Variants in ARPC2 observed in about 807,000 individuals in gnomAD.
ARPC2 encodes actin-related protein 2/3 complex subunit 2.
A neutral mutation model predicts 38.6 loss-of-function variants in ARPC2; 4 were observed. The ratio of observed to expected loss-of-function variants is 0.10; its 90% CI spans 0.05 to 0.24. The LOEUF (loss-of-function observed/expected upper bound fraction) is 0.24, where lower values mean the gene tolerates loss of function less well. Ranked by LOEUF, ARPC2 falls within the 10% of genes least tolerant of loss-of-function variation. The pLI is 1.00. For missense variants in ARPC2, 229 were observed against 387.3 expected (o/e 0.59, Z 3.43); for synonymous variants, 125 against 140.8 (o/e 0.89, Z 0.79).
chr2:218,239,582 C>A, intron 7 of ARPC2, 98 bp downstream of exon 7: 1 of 954,808 alleles, frequency 1.0e-6, no homozygotes, highest in Non-Finnish European at 1.6e-6. Context: ...AGCAACTCTA[C>A]TGATGTTAGA....
At chr2:218,243,617 AG>A (rs1252416694) in intron 7 of ARPC2, among the ~76,000 whole-genome samples, 1 of 152,226 alleles carries the variant, frequency 6.6e-6, no homozygotes, top group Admixed American at 6.5e-5. Flanking sequence ...TCTACTTTAA[AG>A]GCCAAAAATT....
At chr2:218,250,399 C>T (rs535386916) in intron 10 of ARPC2, among the ~76,000 whole-genome samples, 2 of 152,328 alleles carry the variant, frequency 1.3e-5, no homozygotes, top group South Asian at 2.1e-4. Flanking sequence ...CGCTGTGGCT[C>T]ACGCCTGTAA....
chr2:218,240,652 G>A (rs529293118), intron 7 of ARPC2, among the ~76,000 whole-genome samples: 1 of 152,214 alleles, frequency 6.6e-6, no homozygotes, highest in South Asian at 2.1e-4. Flanking sequence ...AGCACTGTGG[G>A]AGGCCGAGGT....
chr2:218,232,065 C>T (rs545494557), intron 4 of ARPC2, among the ~76,000 whole-genome samples: 1 of 152,218 alleles, frequency 6.6e-6, no homozygotes, highest in South Asian at 2.1e-4. Flanking sequence ...CATGGTGAAA[C>T]CCCATCTCTA....
At chr2:218,239,302 T>G (rs1387237310) in intron 6 of ARPC2, 89 bp from the exon 7 acceptor site, 1 of 904,082 alleles carries the variant, frequency 1.1e-6, no homozygotes, top group Non-Finnish European at 1.8e-6. Context: ...GATTTATGAC[T>G]TTAGCCTTCT....
chr2:218,242,207 G>A (rs1005879101), intron 7 of ARPC2, among the ~76,000 whole-genome samples: 1 of 152,206 alleles, frequency 6.6e-6, no homozygotes, highest in African/African-American at 2.4e-5. Flanking sequence ...CTCCACACTA[G>A]TGGTATGGGC....
intron 2 of ARPC2, among the ~76,000 whole-genome samples, chr2:218,221,231 A>AT (rs898497051): frequency 6.6e-6 from 1 of 152,150 alleles, no homozygotes; most frequent in African/African-American, 2.4e-5. Context: ...CTGTGGTTCC[A>AT]TGGGGGGGAG....
intron 4 of ARPC2, among the ~76,000 whole-genome samples, chr2:218,230,243 AT>A (rs924359242): frequency 7.1e-6 from 1 of 140,388 alleles, no homozygotes; most frequent in Admixed American, 7.2e-5. Flanking sequence ...CAGTGCTAAG[AT>A]TGCAGGTGTG....
intron 3 of ARPC2, among the ~76,000 whole-genome samples, chr2:218,226,590 C>T (rs1186838465): frequency 7.8e-6 from 1 of 128,460 alleles, no homozygotes; most frequent in Non-Finnish European, 1.6e-5. Context: ...CATCGCGCCA[C>T]TGCACTCCAG....
rs1690260172 is a variant in ARPC2, at chr2:218,254,098, TC to T, written c.*186del. 3.7e-6 allele frequency: 2 copies of T among 536,366 alleles called. No individual in the cohort carries two copies. Among genetic ancestry groups the T allele is most frequent in the South Asian group, 7.3e-5 (2 of 27,238 alleles). The allele number at this position is 536,366 out of a possible 1,614,324, so 33.2% of individuals were successfully genotyped here. On this transcript the variant is annotated 3_prime_UTR_variant, in exon 11 of 11. Transcript: ENST00000315717. ...GCTGTGCTTGCAAAGACTTCATAGTTCCCAAGAATTAAAAAAAAAAAAAAAA... is the reference window on the plus strand; with the variant it reads ...GCTGTGCTTGCAAAGACTTCATAGTTCCAAGAATTAAAAAAAAAAAAAAAA...
At chr2:218,227,060 G>A (rs1049559126) in intron 3 of ARPC2, 9 of 455,992 alleles carry the variant, frequency 2.0e-5, no homozygotes, top group African/African-American at 1.6e-4. Flanking sequence ...AGATGATCTT[G>A]GAAGACTTTT....
chr2:218,239,590 A>G lies in ARPC2; in HGVS notation c.549+106A>G. ...GAGATCTAGCAACTCTACTGATGTT[A>G]GAATTTTTTTTTTTTTTTTCGAGAC... On this transcript the variant is annotated intron_variant, in intron 7 of 10. Transcript: ENST00000315717. 3.5e-6 allele frequency: 3 copies of G among 853,278 alleles called. No homozygotes were observed. In the South Asian group the frequency reaches 5.1e-5, roughly 14 times the overall value. The allele number at this position is 853,278 out of a possible 1,614,324, so 52.9% of individuals were successfully genotyped here.
At chr2:218,217,671 C>T in intron 2 of ARPC2, 127 bp downstream of exon 2, 1 of 1,027,164 alleles carries the variant, frequency 9.7e-7, no homozygotes, top group Non-Finnish European at 1.4e-6. Context: ...TAGGGGCTGC[C>T]CCAGCGGGGT....
chr2:218,244,735 A>G (rs893312235), intron 7 of ARPC2, among the ~76,000 whole-genome samples: 2 of 152,238 alleles, frequency 1.3e-5, no homozygotes, highest in Admixed American at 6.5e-5. Context: ...CAGAACTCCT[A>G]AAACAAGAGA....
intron 10 of ARPC2, among the ~76,000 whole-genome samples, chr2:218,253,602 T>G (rs894790374): frequency 1.3e-5 from 2 of 152,232 alleles, no homozygotes; most frequent in African/African-American, 4.8e-5. Context: ...CCAGAAATTG[T>G]GAACAAGTGA....
chr2:218,230,406 C>G (rs1022682208), intron 4 of ARPC2, among the ~76,000 whole-genome samples: 2 of 148,362 alleles, frequency 1.3e-5, no homozygotes, highest in Non-Finnish European at 3.0e-5. Flanking sequence ...GTCCTCTCAC[C>G]TCAGCCTCCT....
chr2:218,244,333 C>T (rs1258842117), intron 7 of ARPC2, among the ~76,000 whole-genome samples: 1 of 152,130 alleles, frequency 6.6e-6, no homozygotes, highest in African/African-American at 2.4e-5. Context: ...CACTAATTGT[C>T]GAGAGGGCTT....
intron 7 of ARPC2, among the ~76,000 whole-genome samples, chr2:218,243,028 C>T (rs527990340): frequency 3.9e-5 from 6 of 152,262 alleles, no homozygotes; most frequent in African/African-American, 1.4e-4. Flanking sequence ...AAAGCCCTTC[C>T]CTACTCGAAG....
At chr2:218,228,030 A>T (rs1204538700) in intron 3 of ARPC2, among the ~76,000 whole-genome samples, 1 of 152,188 alleles carries the variant, frequency 6.6e-6, no homozygotes, top group Non-Finnish European at 1.5e-5. Context: ...GGATGAAATT[A>T]TGTGTTGTAT....
Sources: allele counts gnomAD v4.1 joint callset (sites outside exome capture counted in the v4.1 genomes callset), GRCh38; gene constraint gnomAD v4.1.1; transcripts MANE v1.5; gene names NCBI Gene and HGNC (gene_info 2026-07-23, HGNC 2026-07-21).